CUL4B: variants seen among roughly 807,000 people sequenced by gnomAD.
The protein encoded by CUL4B is cullin-4B.
CUL4B carries 1 observed loss-of-function variant against 69.2 expected under a neutral mutation model. The ratio of observed to expected loss-of-function variants is 0.01; its 90% confidence interval spans 0.01 to 0.07. The LOEUF (loss-of-function observed/expected upper bound fraction) is 0.07. Ranked by LOEUF, CUL4B falls within the 10% of genes least tolerant of loss-of-function variation. The pLI is 1.00. For synonymous variants in CUL4B, 237 were observed against 223.2 expected (o/e 1.06, Z -0.55); for missense variants, 328 against 638.8 (o/e 0.51, Z 5.24).
chrX:120,531,316 A>C (rs1373694028), intron 18 of CUL4B, among the ~76,000 whole-genome samples: 1 of 107,145 alleles, frequency 9.3e-6, no homozygotes, highest in East Asian at 3.0e-4. Context: ...GTGAGACTCC[A>C]CCTCAAAAAA....
At chrX:120,539,203 C>T in intron 12 of CUL4B, 65 bp downstream of exon 12, 1 of 612,019 alleles carries the variant, frequency 1.6e-6, no homozygotes, top group Non-Finnish European at 2.6e-6. Flanking sequence ...TTTGAATATA[C>T]TTGCTAGCTT....
chrX:120,556,911 A>AT (rs1569395519), intron 2 of CUL4B, among the ~76,000 whole-genome samples: 2 of 69,964 alleles, frequency 2.9e-5, no homozygotes, highest in Admixed American at 1.4e-4. Flanking sequence ...AAGTATATAT[A>AT]TATTTTTTTT....
chrX:120,555,904 T>C (rs1924934931), intron 2 of CUL4B, among the ~76,000 whole-genome samples: 1 of 96,277 alleles, frequency 1.0e-5, no homozygotes, highest in African/African-American at 4.0e-5. Flanking sequence ...ATCACGCCAC[T>C]GCACTCCAGC....
At chrX:120,556,868 C>G (rs1924996262) in intron 2 of CUL4B, among the ~76,000 whole-genome samples, 1 of 108,941 alleles carries the variant, frequency 9.2e-6, no homozygotes, top group South Asian at 3.9e-4. Context: ...ACAAGGTACT[C>G]ATCAATACAA....
chrX:120,549,928 A>G (rs934769549), intron 2 of CUL4B, among the ~76,000 whole-genome samples: 1 of 111,475 alleles, frequency 9.0e-6, no homozygotes, highest in Non-Finnish European at 1.9e-5. Context: ...ATCTTTCCAC[A>G]TTGTGCACTT....
In CUL4B at chrX:120,524,091, A is replaced by C. The variant is rs745410440; in HGVS notation, c.*2670T>G. Among the ~76,000 whole-genome samples the C allele has an allele frequency of 2.7e-5, 3 of 111,197 alleles. No individual in the cohort carries two copies. Among genetic ancestry groups the C allele is most frequent in the Non-Finnish European group, 5.7e-5 (3 of 52,984 alleles). On this transcript the variant is annotated 3_prime_UTR_variant, in exon 20 of 20. Transcript: ENST00000371322. Reference sequence around the variant, plus strand: ...GATAAACTGGTTTTCTGAACTGTACACTCACATACACAGCAAAAATTTCAA... The same window carrying C: ...GATAAACTGGTTTTCTGAACTGTACCCTCACATACACAGCAAAAATTTCAA...
At position 120,531,606 on chromosome X, in the gene CUL4B, C is replaced by T. The variant is rs374574968; in HGVS notation, c.2439+816G>A. 9.4e-4 allele frequency among the ~76,000 whole-genome samples: 102 copies of T among 108,714 alleles called. No individual in the cohort carries two copies. In the South Asian group the frequency reaches 0.039, roughly 42 times the overall value. 94.4% of individuals were successfully genotyped at this position (108,714 alleles called of 115,157 possible). Reference sequence around the variant, plus strand: ...TCCCAAGTAGCTGGGACTACAAGCACGCACCACCACGCCCAGCTGATTTTT... The same window carrying T: ...TCCCAAGTAGCTGGGACTACAAGCATGCACCACCACGCCCAGCTGATTTTT... On this transcript the variant is annotated intron_variant, in intron 18 of 19. Transcript: ENST00000371322.
chrX:120,551,680 C>A (rs993805678), intron 2 of CUL4B, among the ~76,000 whole-genome samples: 4 of 112,170 alleles, frequency 3.6e-5, no homozygotes, highest in Non-Finnish European at 5.6e-5. Flanking sequence ...AAAATCTTCA[C>A]GAACCTACAC....
intron 11 of CUL4B, 124 bp downstream of exon 11, chrX:120,540,246 C>G: frequency 1.6e-6 from 1 of 611,457 alleles, no homozygotes; most frequent in Non-Finnish European, 2.7e-6. Flanking sequence ...ACTTGATATA[C>G]CAGCTAAGCA....
chrX:120,539,365 A>G lies in CUL4B; in HGVS notation c.1644T>C (p.Tyr548=), dbSNP rs1226429572. The G allele has an allele frequency of 1.7e-6, 2 of 1,166,988 alleles. No homozygotes were observed. The highest frequency in any genetic ancestry group is 1.8e-5 in the African/African-American group (1 of 56,574). Residue 548 remains tyrosine, a synonymous_variant, in exon 12 of 20, where the codon TAT becomes TAC. Transcript: ENST00000371322. The part of the protein sequence containing the change: ...PNKPAELIAK[Y]VDSKLRAGNK... The stretch of plus-strand genomic sequence containing the variant: ...TGCCTGCACGAAGTTTTGAATCTAC[A>G]TACTTAGCTAAAATGGGGGAAAAGT...
intron 14 of CUL4B, 59 bp downstream of exon 14, chrX:120,538,065 G>C (rs1923774328): frequency 3.8e-6 from 3 of 794,819 alleles, no homozygotes; most frequent in Non-Finnish European, 5.8e-6. Flanking sequence ...ACAAATCATA[G>C]CAAGCAGATA....
chrX:120,542,302 G>A (rs1924040924), intron 9 of CUL4B, among the ~76,000 whole-genome samples: 1 of 111,152 alleles, frequency 9.0e-6, no homozygotes, highest in African/African-American at 3.3e-5. Flanking sequence ...GCATAAATAG[G>A]TCAAATTTAA....
chrX:120,567,429 A>G (rs1455825199), downstream of CUL4B, among the ~76,000 whole-genome samples: 2 of 110,256 alleles, frequency 1.8e-5, no homozygotes, highest in African/African-American at 6.6e-5. Context: ...ACCCAGTGCC[A>G]ATTTAGATTT....
At chrX:120,546,952 G>A (rs1410991074) in intron 3 of CUL4B, among the ~76,000 whole-genome samples, 184 bp downstream of exon 3, 4 of 111,733 alleles carry the variant, frequency 3.6e-5, no homozygotes, top group South Asian at 3.7e-4. Context: ...AATACCACAC[G>A]TAGTCCTGGA....
Position 120,541,671 on chromosome X carries a change from C to T in CUL4B, c.1374G>A (p.Leu458=), listed in dbSNP as rs1308653278. Residue 458 remains leucine (L), a synonymous_variant, in exon 10 of 20, where the codon CTG becomes CTA. Coordinates refer to ENST00000371322, the MANE Select transcript of CUL4B (RefSeq NM_001079872.2). The stretch of plus-strand genomic sequence containing the variant: ...CTCGAACTCTACTGAAGAGCTGATA[C>T]AGAAGAGACAAATCTTGAATTCGGT... The part of the protein sequence containing the change: ...DENRIQDLSL[L]YQLFSRVRGG... 1 of 1,207,982 alleles carries T rather than the reference C, an allele frequency of 8.3e-7. No homozygotes were observed. The highest frequency in any genetic ancestry group is 3.0e-5 in the East Asian group (1 of 33,826).
At chrX:120,545,340 G>A (rs1924250749) in intron 5 of CUL4B, 104 bp downstream of exon 5, 1 of 606,476 alleles carries the variant, frequency 1.6e-6, no homozygotes, top group South Asian at 2.6e-5. Flanking sequence ...AACCAAATGT[G>A]AATTTTTAGA....
intron 19 of CUL4B, among the ~76,000 whole-genome samples, chrX:120,528,334 G>A (rs1923111563): frequency 9.2e-6 from 1 of 109,147 alleles, no homozygotes; most frequent in Non-Finnish European, 1.9e-5. Flanking sequence ...TTGAACCCGG[G>A]AGGTGGAGGT....
At position 120,525,030 on chromosome X, in the gene CUL4B, G is replaced by A. The variant is rs1922891663; in HGVS notation, c.*1731C>T. 1 of 112,051 alleles carries A rather than the reference G, an allele frequency of 8.9e-6. No homozygotes were observed. The highest frequency in any genetic ancestry group is 1.9e-5 in the Non-Finnish European group (1 of 53,165). The allele number at this position is 112,051 out of a possible 1,213,427, so 9.2% of individuals were successfully genotyped here. A position where few individuals can be genotyped will look rare whatever the true frequency, so the allele number is the denominator to read the frequency against. On this transcript the variant is annotated 3_prime_UTR_variant, in exon 20 of 20. Transcript: ENST00000371322. ...GTATGAAGAGAGGGTAAACAAAATA[G>A]CTGCATTTGCTTGTCAGCTGAGCTC...
At chrX:120,566,369 A>ATGTATATATATATATATG (rs1187917327), upstream of CUL4B, among the ~76,000 whole-genome samples, 165 of 56,459 alleles carry the variant, frequency 2.9e-3, 3 homozygotes, top group African/African-American at 8.6e-3. Flanking sequence ...ATATATATAT[A>ATGTATATATATATATATG]TATATATATA....
Sources: gnomAD v4.1 joint callset for allele counts (sites outside exome capture counted in the v4.1 genomes callset) on GRCh38, gnomAD v4.1.1 for gene constraint, MANE v1.5 for transcripts, NCBI Gene and HGNC (gene_info 2026-07-23, HGNC 2026-07-21) for gene names.